Variants in CNTLN observed in about 807,000 individuals in gnomAD.
CNTLN encodes the protein centlein, centrosomal protein.
In CNTLN, 212 loss-of-function variants were observed where a neutral mutation model predicts 180.0. The ratio of observed to expected loss-of-function variants is 1.18; its 90% CI spans 1.05 to 1.32. The LOEUF (loss-of-function observed/expected upper bound fraction) is 1.32. Among genes scored for constraint, CNTLN ranks in the 40% most tolerant of loss-of-function variants. The pLI, the probability that CNTLN is intolerant of heterozygous loss-of-function variation, is 0.00. For missense variants in CNTLN, 2,095 were observed against 1,610.9 expected (o/e 1.30, Z -5.14); for synonymous variants, 722 against 563.1 (o/e 1.28, Z -3.99).
intron 5 of CNTLN, among the ~76,000 whole-genome samples, chr9:17,250,674 A>T (rs1225667158): frequency 6.6e-6 from 1 of 152,060 alleles, no homozygotes; most frequent in Non-Finnish European, 1.5e-5. Flanking sequence ...TATATCTTAC[A>T]CATGTGTACT....
chr9:17,468,768 T>A (rs1033150549), intron 23 of CNTLN, among the ~76,000 whole-genome samples: 2 of 151,704 alleles, frequency 1.3e-5, no homozygotes, highest in African/African-American at 4.8e-5. Flanking sequence ...AAAAATTATC[T>A]TTAAGAAACT....
chr9:17,213,662 C>A (rs141998970), intron 2 of CNTLN, among the ~76,000 whole-genome samples: 7,101 of 152,066 alleles, frequency 0.047, 430 homozygotes, highest in African/African-American at 0.14. Flanking sequence ...GGGGTGTTAT[C>A]GTCTCCCATT....
At chr9:17,268,678 GT>G (rs1827696073) in intron 5 of CNTLN, among the ~76,000 whole-genome samples, 1 of 152,150 alleles carries the variant, frequency 6.6e-6, no homozygotes, top group Non-Finnish European at 1.5e-5. Context: ...TTGAGCTGTG[GT>G]TGGGCTCCAC....
At chr9:17,209,275 G>T (rs888865452) in intron 2 of CNTLN, among the ~76,000 whole-genome samples, 12 of 152,140 alleles carry the variant, frequency 7.9e-5, no homozygotes, top group African/African-American at 2.9e-4. Context: ...TGTAGTCAGA[G>T]AAGATACTTG....
At chr9:17,306,114 A>T (rs112961744) in intron 7 of CNTLN, among the ~76,000 whole-genome samples, 5 of 151,690 alleles carry the variant, frequency 3.3e-5, no homozygotes, top group African/African-American at 9.7e-5. Flanking sequence ...AGAGCAAAGT[A>T]GAGAACACAA....
intron 12 of CNTLN, among the ~76,000 whole-genome samples, chr9:17,346,149 A>G (rs10119297): frequency 0.59 from 89,806 of 151,414 alleles, 26,874 homozygotes; most frequent in East Asian, 0.73. Context: ...AAGGGGAAGC[A>G]AGGACCTTTT....
At chr9:17,398,787 G>A (rs943243328) in intron 15 of CNTLN, among the ~76,000 whole-genome samples, 4 of 152,270 alleles carry the variant, frequency 2.6e-5, no homozygotes, top group East Asian at 1.9e-4. Context: ...GTTGCAAAAC[G>A]TGCCATACCA....
chr9:17,384,752 A>T (rs1825556847), intron 13 of CNTLN, among the ~76,000 whole-genome samples: 1 of 152,152 alleles, frequency 6.6e-6, no homozygotes, highest in African/African-American at 2.4e-5. Context: ...TTGCCTATTT[A>T]TCCCCAATTC....
intron 2 of CNTLN, among the ~76,000 whole-genome samples, chr9:17,200,726 A>C (rs896366372): frequency 3.9e-5 from 6 of 152,136 alleles, no homozygotes; most frequent in South Asian, 2.1e-4. Context: ...CAGCATAAGG[A>C]GTTTTGGGGC....
At chr9:17,488,904 C>T (rs146694718) in intron 25 of CNTLN, among the ~76,000 whole-genome samples, 33 of 152,132 alleles carry the variant, frequency 2.2e-4, no homozygotes, top group African/African-American at 7.0e-4. Context: ...TGCTGTTATA[C>T]GTAATGAACT....
Position 17,294,834 on chromosome 9 carries a change from AG to A in CNTLN, c.984-3354del, listed in dbSNP as rs1817719351. 4.3e-4 allele frequency among the ~76,000 whole-genome samples: 6 copies of A among 13,960 alleles called. 1 individual carries two copies. The highest frequency in any genetic ancestry group is 3.0e-3 in the African/African-American group (6 of 2,016). 9.2% of individuals were successfully genotyped at this position (13,960 alleles called of 152,430 possible). On this transcript the variant is annotated intron_variant, in intron 6 of 25. Transcript: ENST00000380647. ...AGTGGGCGAAGGGGGGAGGGCGGGG[AG>A]GAGGGGGGAGGGCGGGGAGGAGGGA...
chr9:17,442,939 A>C (rs951294477), intron 18 of CNTLN, among the ~76,000 whole-genome samples: 1 of 151,936 alleles, frequency 6.6e-6, no homozygotes, highest in Non-Finnish European at 1.5e-5. Context: ...ATATCTGTTC[A>C]TGATAAAAAT....
intron 7 of CNTLN, chr9:17,299,241 C>CAAAAAA (rs368954391): frequency 1.1e-5 from 1 of 91,662 alleles, no homozygotes; most frequent in Non-Finnish European, 2.0e-5. Context: ...GACAACGTCT[C>CAAAAAA]AAAAAAAAAA....
chr9:17,438,689 T>G (rs953361809), intron 18 of CNTLN, among the ~76,000 whole-genome samples: 4 of 152,150 alleles, frequency 2.6e-5, no homozygotes, highest in African/African-American at 9.7e-5. Context: ...AAATATCAAG[T>G]AAGTAGTAGG....
chr9:17,264,632 G>C (rs1410903127), intron 5 of CNTLN, among the ~76,000 whole-genome samples: 1 of 152,136 alleles, frequency 6.6e-6, no homozygotes, highest in African/African-American at 2.4e-5. Flanking sequence ...AATTACCTTG[G>C]GCAGTATGGC....
chr9:17,160,819 G>A (rs987693327), intron 2 of CNTLN, among the ~76,000 whole-genome samples: 2 of 152,138 alleles, frequency 1.3e-5, no homozygotes, highest in African/African-American at 4.8e-5. Context: ...ATGTTGCAAA[G>A]TAACCTGACT....
At chr9:17,510,902 T>C in the CNTLN span, among the ~76,000 whole-genome samples, 2 of 152,208 alleles carry the variant, frequency 1.3e-5, no homozygotes, top group Non-Finnish European at 2.9e-5. Context: ...ACAAATATGA[T>C]TGCTGGGTCA....
chr9:17,166,967 G>A, intron 2 of CNTLN: 1 of 425,086 alleles, frequency 2.4e-6, no homozygotes. Flanking sequence ...CTTGGTAGCA[G>A]TAGTTCTCAA....
intron 2 of CNTLN, among the ~76,000 whole-genome samples, chr9:17,174,730 A>G (rs1361936496): frequency 2.6e-5 from 4 of 151,920 alleles, no homozygotes; most frequent in Admixed American, 6.6e-5. Flanking sequence ...AAATTGCCAA[A>G]CCGTTTGTCA....
Sources: allele counts gnomAD v4.1 joint callset (sites outside exome capture counted in the v4.1 genomes callset), GRCh38; gene constraint gnomAD v4.1.1; transcripts MANE v1.5; gene names NCBI Gene and HGNC (gene_info 2026-07-23, HGNC 2026-07-21).